The following MIB1 variants were observed in gnomAD, a reference collection of about 807,000 sequenced individuals.
The protein encoded by MIB1 is E3 ubiquitin-protein ligase MIB1.
Under a neutral mutation model 124.5 loss-of-function variants are expected in MIB1, and 278 were observed. That is an observed-to-expected ratio of 2.23 (90% CI 2.02 to 2.47). The LOEUF is 2.47. Ranked by LOEUF, MIB1 falls within the 30% of genes most tolerant of loss-of-function variation. The pLI is 0.00. For missense variants in MIB1, 957 were observed against 1,254.4 expected, an observed-to-expected ratio of 0.76 and a Z score of 3.58; for synonymous variants, 446 against 429.4, an observed-to-expected ratio of 1.04 and a Z score of -0.48.
At chr18:21,834,110 C>T (rs891130031) in intron 12 of MIB1, among the ~76,000 whole-genome samples, 1 of 152,170 alleles carries the variant, frequency 6.6e-6, no homozygotes, top group Non-Finnish European at 1.5e-5. Flanking sequence ...AGGGAACAGC[C>T]TGCTGCTGTC....
Position 21,864,733 on chromosome 18 carries a change from T to A in MIB1, c.*67T>A. On this transcript the variant is annotated 3_prime_UTR_variant, in exon 21 of 21. Transcript: ENST00000261537. ...ATGAGATCTTAATAGGCTTTTGATCTAGTTGGAAGTTCTGATGAGTTAATT... is the reference window on the plus strand; with the variant it reads ...ATGAGATCTTAATAGGCTTTTGATCAAGTTGGAAGTTCTGATGAGTTAATT... 1 of 1,283,834 alleles carries A rather than the reference T, an allele frequency of 7.8e-7. No homozygotes were observed. Among genetic ancestry groups the A allele is most frequent in the Non-Finnish European group, 1.1e-6 (1 of 918,084 alleles). The allele number at this position is 1,283,834 out of a possible 1,614,324, so 79.5% of individuals were successfully genotyped here.
At chr18:21,719,681 A>T (rs1396006775) in intron 1 of MIB1, among the ~76,000 whole-genome samples, 1 of 149,160 alleles carries the variant, frequency 6.7e-6, no homozygotes, top group East Asian at 2.0e-4. Context: ...CTGGTCTGGA[A>T]CTCCTGACCT....
chr18:21,706,685 G>A (rs1378142957), intron 1 of MIB1, among the ~76,000 whole-genome samples: 2 of 152,128 alleles, frequency 1.3e-5, no homozygotes, highest in Non-Finnish European at 2.9e-5. Context: ...AGGGTGCCCC[G>A]GGTCCACCAG....
chr18:21,758,707 G>A (rs944088246), intron 1 of MIB1, among the ~76,000 whole-genome samples: 2 of 152,022 alleles, frequency 1.3e-5, no homozygotes, highest in Admixed American at 6.6e-5. Flanking sequence ...GCTAATTTTT[G>A]TATTTTTAGT....
chr18:21,846,314 A>G (rs1030732514), intron 15 of MIB1, among the ~76,000 whole-genome samples: 4 of 152,182 alleles, frequency 2.6e-5, no homozygotes, highest in African/African-American at 9.7e-5. Flanking sequence ...AGAGGAGAGC[A>G]CTTACCTCGA....
intron 12 of MIB1, among the ~76,000 whole-genome samples, chr18:21,821,006 C>T (rs1443122911): frequency 6.6e-6 from 1 of 152,178 alleles, no homozygotes; most frequent in Admixed American, 6.5e-5. Flanking sequence ...TGCTTCATTG[C>T]TTAGAGTTAT....
At chr18:21,767,442 C>G (rs1309305430) in intron 2 of MIB1, among the ~76,000 whole-genome samples, 2 of 152,150 alleles carry the variant, frequency 1.3e-5, no homozygotes, top group Admixed American at 6.5e-5. Context: ...CTGGGTCCCT[C>G]CCTCGACGTG....
intron 8 of MIB1, 47 bp downstream of exon 8, chr18:21,798,275 A>C (rs1162997916): frequency 6.3e-7 from 1 of 1,581,566 alleles, no homozygotes; most frequent in South Asian, 1.1e-5. Context: ...GTTTACATTA[A>C]AACCTTTGCT....
intron 1 of MIB1, among the ~76,000 whole-genome samples, chr18:21,706,414 G>A (rs765648027): frequency 2.6e-5 from 4 of 152,292 alleles, no homozygotes; most frequent in African/African-American, 2.4e-5. Context: ...CACTCTGGCC[G>A]CGTTTGAGGA....
chr18:21,836,947 G>T (rs552871401), intron 12 of MIB1, among the ~76,000 whole-genome samples: 4 of 152,172 alleles, frequency 2.6e-5, no homozygotes, highest in African/African-American at 9.6e-5. Flanking sequence ...GAATGAGGAG[G>T]ACTAAAATCC....
chr18:21,855,339 A>T (rs2042217022), intron 18 of MIB1, among the ~76,000 whole-genome samples: 1 of 152,230 alleles, frequency 6.6e-6, no homozygotes, highest in South Asian at 2.1e-4. Flanking sequence ...GAGAGATTAC[A>T]TCCCTTTTGG....
At chr18:21,777,141 C>A (rs530749900) in intron 4 of MIB1, among the ~76,000 whole-genome samples, 1 of 150,634 alleles carries the variant, frequency 6.6e-6, no homozygotes, top group Admixed American at 6.6e-5. Flanking sequence ...TGTGCTGGCC[C>A]GGCGTGGTGG....
At chr18:21,802,844 A>C (rs1279740528) in intron 9 of MIB1, among the ~76,000 whole-genome samples, 1 of 152,184 alleles carries the variant, frequency 6.6e-6, no homozygotes, top group Non-Finnish European at 1.5e-5. Context: ...GGGGATCTCT[A>C]AATACCATCC....
At chr18:21,733,478 C>G (rs2040781717) in intron 1 of MIB1, among the ~76,000 whole-genome samples, 1 of 152,088 alleles carries the variant, frequency 6.6e-6, no homozygotes, top group African/African-American at 2.4e-5. Flanking sequence ...CCAGGCTGGT[C>G]TTGAACTCCT....
intron 6 of MIB1, among the ~76,000 whole-genome samples, chr18:21,788,330 A>G (rs2041460280): frequency 6.6e-6 from 1 of 152,244 alleles, no homozygotes; most frequent in Admixed American, 6.5e-5. Flanking sequence ...TTACCTAGGT[A>G]TAGCATTAGG....
At chr18:21,740,723 C>T (rs995878669), upstream of MIB1, among the ~76,000 whole-genome samples, 2 of 152,264 alleles carry the variant, frequency 1.3e-5, no homozygotes, top group African/African-American at 2.4e-5. Flanking sequence ...GGGCCCGCCC[C>T]TCCATCGCCC....
chr18:21,708,083 C>T (rs1350414654), intron 1 of MIB1, among the ~76,000 whole-genome samples: 1 of 152,160 alleles, frequency 6.6e-6, no homozygotes, highest in Non-Finnish European at 1.5e-5. Flanking sequence ...AAAAGCCGTG[C>T]CTCCTAATAC....
At chr18:21,735,267 A>T (rs1050170099) in intron 1 of MIB1, among the ~76,000 whole-genome samples, 1 of 152,196 alleles carries the variant, frequency 6.6e-6, no homozygotes, top group South Asian at 2.1e-4. Flanking sequence ...ACAAGGGGTC[A>T]GTGGATCTCC....
In MIB1 at chr18:21,783,282, G is replaced by A. The variant is rs1184598841; in HGVS notation, c.908+3597G>A. Reference sequence around the variant, plus strand: ...TCTTGAGATGGAATCTTACTCTGTCGCCCAGGCTGGAGTGCAGTGGGACGA... The same window carrying A: ...TCTTGAGATGGAATCTTACTCTGTCACCCAGGCTGGAGTGCAGTGGGACGA... On this transcript the variant is annotated intron_variant, in intron 6 of 20. Coordinates refer to ENST00000261537, the MANE Select transcript of MIB1 (RefSeq NM_020774.4). Among the ~76,000 whole-genome samples, 5 of 149,216 alleles carry A rather than the reference G, an allele frequency of 3.4e-5. 1 individual carries two copies. The highest frequency in any genetic ancestry group is 4.3e-4 in the South Asian group (2 of 4,666).
Sources: gnomAD v4.1 joint callset for allele counts (sites outside exome capture counted in the v4.1 genomes callset) on GRCh38, gnomAD v4.1.1 for gene constraint, MANE v1.5 for transcripts, NCBI Gene and HGNC (gene_info 2026-07-23, HGNC 2026-07-21) for gene names.